Variants in SH3PXD2A observed in about 807,000 individuals in gnomAD.
SH3PXD2A encodes SH3 and PX domains 2A.
Under a neutral mutation model 115.2 loss-of-function variants are expected in SH3PXD2A, and 32 were observed. The observed-to-expected ratio is 0.28, with a 90% CI of 0.21 to 0.37. The LOEUF is 0.37. SH3PXD2A is among the 10% of genes least tolerant of loss of function. SH3PXD2A has a pLI of 1.00. For synonymous variants in SH3PXD2A, 610 were observed against 629.1 expected, an observed-to-expected ratio of 0.97 and a Z score of 0.45; for missense variants, 1,328 against 1,498.7, an observed-to-expected ratio of 0.89 and a Z score of 1.88.
Position 103,602,316 on chromosome 10 carries a change from T to C in SH3PXD2A, c.2902A>G (p.Met968Val). 3.1e-6 allele frequency: 5 copies of C among 1,613,744 alleles called. No homozygotes were observed. Among genetic ancestry groups the C allele is most frequent in the Non-Finnish European group, 4.2e-6 (5 of 1,179,934 alleles). Reference sequence around the variant, plus strand: ...GCCACCTGCCGCACTCCGTTCCTCATCTTCACCGCTGGAGTGCCTGAGGTC... The same window carrying C: ...GCCACCTGCCGCACTCCGTTCCTCACCTTCACCGCTGGAGTGCCTGAGGTC... ...GKTSGTPAVKMRNGVRQVAVR... is the reference protein window; with the variant it reads ...GKTSGTPAVKVRNGVRQVAVR... The change falls in exon 15 of 15, where the codon ATG (methionine) becomes GTG (valine). Residue 968 changes from methionine (M) to valine (V), a missense_variant. Met to Val is a conservative substitution (Grantham distance 21). Around this residue, in one of 5 missense-constraint regions of SH3PXD2A, gnomAD observed 574 missense variants for 565.7 expected, o/e 1.01. Transcript: ENST00000369774.
At chr10:103,824,055 T>C (rs987877575) in intron 1 of SH3PXD2A, among the ~76,000 whole-genome samples, 10 of 152,194 alleles carry the variant, frequency 6.6e-5, no homozygotes, top group African/African-American at 2.2e-4. Context: ...AGGAAATGTA[T>C]TGGCTTGCGG....
At chr10:103,851,135 A>C (rs904680750) in intron 1 of SH3PXD2A, among the ~76,000 whole-genome samples, 2 of 122,634 alleles carry the variant, frequency 1.6e-5, no homozygotes, top group Non-Finnish European at 3.3e-5. Context: ...TGGAGTCACA[A>C]TCTAAGGGCT....
intron 8 of SH3PXD2A, among the ~76,000 whole-genome samples, chr10:103,633,147 G>C (rs758629052): frequency 2.0e-5 from 3 of 152,266 alleles, no homozygotes; most frequent in Non-Finnish European, 2.9e-5. Flanking sequence ...GCTGGGTGCA[G>C]TGGCTCAAGC....
At position 103,596,632 on chromosome 10, in the gene SH3PXD2A, CAG is replaced by C. The variant is rs1250435704; in HGVS notation, c.*5182_*5183del. On this transcript the variant is annotated 3_prime_UTR_variant, in exon 15 of 15. Coordinates refer to ENST00000369774, the MANE Select transcript of SH3PXD2A (RefSeq NM_001394015.1). Reference sequence around the variant, plus strand: ...GGGAAGTTACCAACACTTGCATACACAGACACACACACACACACACACACACA... The same window carrying C: ...GGGAAGTTACCAACACTTGCATACACACACACACACACACACACACACACA... 5.8e-5 allele frequency: 6 copies of C among 103,806 alleles called. No individual in the cohort carries two copies. The highest frequency in any genetic ancestry group is 3.6e-4 in the East Asian group (1 of 2,770). The allele number at this position is 103,806 out of a possible 1,614,324, so 6.4% of individuals were successfully genotyped here.
At chr10:103,798,068 G>A (rs2039110770) in intron 2 of SH3PXD2A, among the ~76,000 whole-genome samples, 2 of 152,192 alleles carry the variant, frequency 1.3e-5, no homozygotes, top group Non-Finnish European at 2.9e-5. Context: ...CCGCCTCGTG[G>A]GTGCCTGGCC....
chr10:103,748,669 A>T (rs1186214274), intron 3 of SH3PXD2A, among the ~76,000 whole-genome samples: 2 of 152,222 alleles, frequency 1.3e-5, no homozygotes, highest in Non-Finnish European at 2.9e-5. Flanking sequence ...TTCCAGGTAG[A>T]GGGAGAGTCT....
At chr10:103,794,686 C>A (rs191206416) in intron 2 of SH3PXD2A, among the ~76,000 whole-genome samples, 2 of 152,230 alleles carry the variant, frequency 1.3e-5, no homozygotes, top group African/African-American at 4.8e-5. Context: ...TAGGCCCTGT[C>A]CTGGTCAGCT....
At chr10:103,664,754 C>T (rs1012137244) in intron 7 of SH3PXD2A, among the ~76,000 whole-genome samples, 2 of 151,726 alleles carry the variant, frequency 1.3e-5, no homozygotes, top group African/African-American at 2.4e-5. Flanking sequence ...GCAACCTCCG[C>T]CCCCCAGGTT....
chr10:103,763,520 G>C (rs1170431389), intron 3 of SH3PXD2A, among the ~76,000 whole-genome samples: 1 of 152,216 alleles, frequency 6.6e-6, no homozygotes, highest in African/African-American at 2.4e-5. Context: ...TAAGTTCTCT[G>C]GAGTTCTGCT....
At chr10:103,773,433 T>C (rs1223662863) in intron 2 of SH3PXD2A, among the ~76,000 whole-genome samples, 1 of 120,122 alleles carries the variant, frequency 8.3e-6, no homozygotes, top group Non-Finnish European at 1.9e-5. Flanking sequence ...TTCTTCTCTT[T>C]TCTTTCTTTC....
At chr10:103,780,349 G>A (rs889523386) in intron 2 of SH3PXD2A, among the ~76,000 whole-genome samples, 2 of 152,152 alleles carry the variant, frequency 1.3e-5, no homozygotes, top group Admixed American at 1.3e-4. Context: ...ATGGGTCAAG[G>A]TGCCCATAGG....
chr10:103,634,007 C>T (rs1352903143), intron 8 of SH3PXD2A, among the ~76,000 whole-genome samples: 3 of 152,180 alleles, frequency 2.0e-5, no homozygotes, highest in Admixed American at 6.5e-5. Flanking sequence ...GCCCCTGTGC[C>T]GTACATTCGG....
At chr10:103,811,090 C>T (rs766441413) in intron 1 of SH3PXD2A, among the ~76,000 whole-genome samples, 3 of 152,170 alleles carry the variant, frequency 2.0e-5, no homozygotes, top group Non-Finnish European at 4.4e-5. Context: ...TCCCCAGGAG[C>T]GTCCGCTGAA....
At chr10:103,815,084 C>T (rs1044251853) in intron 1 of SH3PXD2A, among the ~76,000 whole-genome samples, 1 of 152,108 alleles carries the variant, frequency 6.6e-6, no homozygotes, top group Non-Finnish European at 1.5e-5. Flanking sequence ...GACCTAAATG[C>T]GAGAGAGAAA....
intron 8 of SH3PXD2A, among the ~76,000 whole-genome samples, chr10:103,640,441 C>T (rs2036937745): frequency 6.6e-6 from 1 of 152,104 alleles, no homozygotes; most frequent in African/African-American, 2.4e-5. Flanking sequence ...AGGGTCTCAG[C>T]CTGGCACACG....
intron 1 of SH3PXD2A, among the ~76,000 whole-genome samples, chr10:103,845,744 G>T (rs542015571): frequency 1.3e-5 from 2 of 152,292 alleles, no homozygotes; most frequent in South Asian, 2.1e-4. Context: ...CTGGGGGTCT[G>T]GATCGGGACC....
chr10:103,820,609 G>T (rs1564897415), intron 1 of SH3PXD2A, among the ~76,000 whole-genome samples: 1 of 152,000 alleles, frequency 6.6e-6, no homozygotes, highest in Non-Finnish European at 1.5e-5. Context: ...CTTGGCCAGA[G>T]CCCACCCCCA....
chr10:103,618,082 G>A (rs1424448866), intron 10 of SH3PXD2A, among the ~76,000 whole-genome samples: 1 of 152,246 alleles, frequency 6.6e-6, no homozygotes, highest in Non-Finnish European at 1.5e-5. Context: ...CCGAGGCCTA[G>A]CCCCTCTGGA....
chr10:103,804,855 T>C (rs190568578), intron 1 of SH3PXD2A, among the ~76,000 whole-genome samples: 5 of 151,828 alleles, frequency 3.3e-5, no homozygotes, highest in Admixed American at 3.3e-4. Flanking sequence ...TTCCTGGGGG[T>C]TATTACCTAC....
Sources: gnomAD v4.1 joint callset for allele counts (sites outside exome capture counted in the v4.1 genomes callset) on GRCh38, gnomAD v4.1.1 for gene constraint, gnomAD v4.1.1 regional missense constraint, MANE v1.5 for transcripts, NCBI Gene and HGNC (gene_info 2026-07-23, HGNC 2026-07-21) for gene names.